The following CNIH3 variants were observed in gnomAD, a reference collection of about 807,000 sequenced individuals.
CNIH3 encodes the protein protein cornichon homolog 3.
In CNIH3, 14 loss-of-function variants were observed where a neutral mutation model predicts 24.1. That is an observed-to-expected ratio of 0.58 (90% confidence interval 0.38 to 0.91). The LOEUF (loss-of-function observed/expected upper bound fraction) is 0.91, where lower values mean the gene tolerates loss of function less well. Ranked by LOEUF, CNIH3 falls within the 40% of genes least tolerant of loss-of-function variation. The probability of loss-of-function intolerance (pLI) is 0.00; values close to 1 mark genes in which losing one functional copy is unlikely to be tolerated. For synonymous variants in CNIH3, 68 were observed against 73.8 expected, an observed-to-expected ratio of 0.92 and a Z score of 0.40; for missense variants, 178 against 196.8, an observed-to-expected ratio of 0.90 and a Z score of 0.57.
At chr1:224,738,322 G>A (rs1689700498) in intron 5 of CNIH3, among the ~76,000 whole-genome samples, 1 of 152,210 alleles carries the variant, frequency 6.6e-6, no homozygotes, top group Non-Finnish European at 1.5e-5. Context: ...CACTGGCTTT[G>A]GAGTTAGAAT....
intron 1 of CNIH3, among the ~76,000 whole-genome samples, chr1:224,648,413 G>GAAA (rs565178820): frequency 1.8e-5 from 2 of 110,736 alleles, no homozygotes; most frequent in Non-Finnish European, 3.8e-5. Context: ...TCTGTCTCAG[G>GAAA]AAAAAAAAAA....
rs116442717 is a variant in CNIH3 at position 224,722,968 on chromosome 1, C to T, written c.199-7494C>T. Among the ~76,000 whole-genome samples the T allele has an allele frequency of 6.1e-3, 924 of 152,294 alleles. 4 individuals are homozygous for T. Among genetic ancestry groups the T allele is most frequent in the Non-Finnish European group, 0.01 (714 of 68,030 alleles). ...ATCAAAGCAGGAGAACTTCCCCAGT[C>T]GACTGGCTGGGATCTGTAATTTATG... is the stretch of plus-strand genomic sequence containing the variant. On this transcript the variant is annotated intron_variant, in intron 3 of 5. Coordinates refer to ENST00000272133, the MANE Select transcript of CNIH3 (RefSeq NM_152495.2).
intron 1 of CNIH3, among the ~76,000 whole-genome samples, chr1:224,653,353 C>A (rs1684950521): frequency 6.7e-6 from 1 of 148,558 alleles, no homozygotes; most frequent in Non-Finnish European, 1.5e-5. Flanking sequence ...ACCCAGGAGG[C>A]AGAGGTTGCA....
At chr1:224,528,880 G>A (rs890218218) in intron 2 of CNIH3, among the ~76,000 whole-genome samples, 2 of 152,294 alleles carry the variant, frequency 1.3e-5, no homozygotes, top group African/African-American at 2.4e-5. Flanking sequence ...CAACTTGCGC[G>A]TGGTCATTTA....
chr1:224,711,025 AT>A (rs1688110887), intron 3 of CNIH3, among the ~76,000 whole-genome samples: 1 of 152,202 alleles, frequency 6.6e-6, no homozygotes, highest in Non-Finnish European at 1.5e-5. Context: ...GTCCTAGTGC[AT>A]TTGGGGCACT....
intron 1 of CNIH3, among the ~76,000 whole-genome samples, chr1:224,662,079 G>A (rs1572680063): frequency 6.6e-6 from 1 of 152,248 alleles, no homozygotes; most frequent in African/African-American, 2.4e-5. Context: ...TCAGATGTTA[G>A]CATTTTATAG....
At chr1:224,712,436 T>TACTCTTCCTAAAAGCAGGATTGC (rs1181074477) in intron 3 of CNIH3, among the ~76,000 whole-genome samples, 8 of 152,196 alleles carry the variant, frequency 5.3e-5, no homozygotes, top group African/African-American at 1.9e-4. Flanking sequence ...TTCTGGATTG[T>TACTCTTCCTAAAAGCAGGATTGC]ACTCTTCCTA....
At chr1:224,722,525 G>A (rs1263924716) in intron 3 of CNIH3, among the ~76,000 whole-genome samples, 6 of 152,154 alleles carry the variant, frequency 3.9e-5, no homozygotes, top group Non-Finnish European at 8.8e-5. Context: ...CCAAAATTCT[G>A]CATTTCTAAC....
At chr1:224,701,225 G>A (rs1333645161) in intron 3 of CNIH3, among the ~76,000 whole-genome samples, 2 of 151,224 alleles carry the variant, frequency 1.3e-5, no homozygotes, top group African/African-American at 4.9e-5. Context: ...TGGAGGAGGC[G>A]AGGTTAGCTA....
chr1:224,710,296 C>T (rs1688070249), intron 3 of CNIH3, among the ~76,000 whole-genome samples: 1 of 152,244 alleles, frequency 6.6e-6, no homozygotes, highest in South Asian at 2.1e-4. Flanking sequence ...TCGTGAATTA[C>T]AGCCCTCCTC....
chr1:224,702,509 C>G (rs2125177396), intron 3 of CNIH3, among the ~76,000 whole-genome samples: 1 of 152,364 alleles, frequency 6.6e-6, no homozygotes, highest in East Asian at 1.9e-4. Flanking sequence ...ACTGGATGCT[C>G]CAGGGTGCAG....
chr1:224,526,746 C>G (rs764458316), intron 2 of CNIH3, among the ~76,000 whole-genome samples: 1 of 152,208 alleles, frequency 6.6e-6, no homozygotes, highest in African/African-American at 2.4e-5. Context: ...TAATTTATAA[C>G]AGGTTTAACT....
At chr1:224,623,023 C>A (rs1683354700) in intron 1 of CNIH3, among the ~76,000 whole-genome samples, 1 of 152,172 alleles carries the variant, frequency 6.6e-6, no homozygotes, top group Admixed American at 6.5e-5. Flanking sequence ...GGACTTGGCT[C>A]CTGGTCACTG....
chr1:224,668,586 C>T (rs925740577), intron 1 of CNIH3, among the ~76,000 whole-genome samples: 4 of 152,110 alleles, frequency 2.6e-5, no homozygotes, highest in Admixed American at 2.6e-4. Context: ...CATGCTCCCC[C>T]AAAGCTGGGC....
chr1:224,474,747 G>C (rs888628814), intron 1 of CNIH3, among the ~76,000 whole-genome samples: 1 of 152,124 alleles, frequency 6.6e-6, no homozygotes, highest in Non-Finnish European at 1.5e-5. Flanking sequence ...GGAAATCGGA[G>C]CCCGGGCCGG....
chr1:224,572,633 T>G (rs958852674), intron 4 of CNIH3, among the ~76,000 whole-genome samples: 6 of 151,710 alleles, frequency 4.0e-5, no homozygotes, highest in African/African-American at 1.2e-4. Flanking sequence ...GGATAGGGTT[T>G]TTTTTTTTTT....
intron 1 of CNIH3, among the ~76,000 whole-genome samples, chr1:224,633,386 T>C (rs1328448158): frequency 3.9e-5 from 6 of 152,176 alleles, no homozygotes; most frequent in Non-Finnish European, 8.8e-5. Flanking sequence ...CTTGAATTCC[T>C]GGGCTCAAGT....
intron 3 of CNIH3, chr1:224,718,994 C>T (rs760039641): frequency 6.6e-6 from 1 of 152,262 alleles, no homozygotes; most frequent in South Asian, 2.1e-4. Flanking sequence ...CTGTCGGTCT[C>T]TCCCATCAGC....
intron 1 of CNIH3, among the ~76,000 whole-genome samples, chr1:224,519,021 C>T (rs1678513289): frequency 6.6e-6 from 1 of 152,082 alleles, no homozygotes; most frequent in African/African-American, 2.4e-5. Flanking sequence ...TAATACCTAC[C>T]CCACTAGGTT....
Sources: allele counts gnomAD v4.1 joint callset (sites outside exome capture counted in the v4.1 genomes callset), GRCh38; gene constraint gnomAD v4.1.1; transcripts MANE v1.5; gene names NCBI Gene and HGNC (gene_info 2026-07-23, HGNC 2026-07-21).